The following UBR3 variants were observed in gnomAD, a reference collection of about 807,000 sequenced individuals.
UBR3 encodes the protein E3 ubiquitin-protein ligase UBR3.
A neutral mutation model predicts 243.2 loss-of-function variants in UBR3; 85 were observed. That is an observed-to-expected ratio of 0.35 (90% CI 0.29 to 0.42). The LOEUF (loss-of-function observed/expected upper bound fraction) is 0.42, where lower values mean the gene tolerates loss of function less well. Among genes scored for constraint, UBR3 ranks in the 10% least tolerant of loss-of-function variants. The pLI is 1.00. For synonymous variants in UBR3, 748 were observed against 799.8 expected (o/e 0.94, Z 1.09); for missense variants, 1,686 against 2,300.8 (o/e 0.73, Z 5.47).
chr2:170,015,080 A>G, intron 29 of UBR3: 1 of 458,578 alleles, frequency 2.2e-6, no homozygotes, highest in Non-Finnish European at 3.9e-6. Context: ...ATATGAACAT[A>G]TAAGTAAGGA....
At chr2:169,866,364 T>G (rs1241904997) in intron 1 of UBR3, among the ~76,000 whole-genome samples, 1 of 151,144 alleles carries the variant, frequency 6.6e-6, no homozygotes, top group Non-Finnish European at 1.5e-5. Flanking sequence ...GTTTTTTTGT[T>G]TTTTTGTTTT....
chr2:169,993,154 C>T (rs976365338), intron 25 of UBR3, among the ~76,000 whole-genome samples: 2 of 152,132 alleles, frequency 1.3e-5, no homozygotes, highest in African/African-American at 4.8e-5. Flanking sequence ...CAGATTCTCT[C>T]AGTTGTCCCT....
chr2:169,926,619 T>C, intron 14 of UBR3, 73 bp from the exon 15 acceptor site: 2 of 1,412,076 alleles, frequency 1.4e-6, no homozygotes, highest in East Asian at 2.5e-5. Context: ...CAAAAAAAAG[T>C]ATAGAAAAAC....
intron 24 of UBR3, among the ~76,000 whole-genome samples, chr2:169,962,050 G>A (rs1211281683): frequency 6.6e-6 from 1 of 151,830 alleles, no homozygotes; most frequent in Non-Finnish European, 1.5e-5. Context: ...TGTGGCTTCT[G>A]TCTTTGTTAC....
In UBR3 at chr2:169,924,192, A is replaced by C; in HGVS notation, c.2022+19A>C. 1.3e-6 allele frequency: 2 copies of C among 1,518,906 alleles called. No individual in the cohort carries two copies. Among genetic ancestry groups the C allele is most frequent in the Non-Finnish European group, 1.8e-6 (2 of 1,132,964 alleles). The allele number at this position is 1,518,906 out of a possible 1,614,324, so 94.1% of individuals were successfully genotyped here. ...AATTCAAGTATGTATTCAGGCATTT[A>C]AAAAGTTTTGAAGTGGATTCCTTGT... On this transcript the variant is annotated intron_variant, in intron 13 of 38. Coordinates refer to ENST00000272793, the MANE Select transcript of UBR3 (RefSeq NM_172070.4).
At chr2:169,859,058 A>G (rs2082989741) in intron 1 of UBR3, among the ~76,000 whole-genome samples, 1 of 137,814 alleles carries the variant, frequency 7.3e-6, no homozygotes, top group Non-Finnish European at 1.6e-5. Context: ...TCAGCTATTT[A>G]GTTGTCATGT....
intron 25 of UBR3, among the ~76,000 whole-genome samples, chr2:169,993,885 A>G (rs2089386007): frequency 6.6e-6 from 1 of 152,128 alleles, no homozygotes. Flanking sequence ...GTGTTTGAAC[A>G]CTTCCTTGCT....
intron 24 of UBR3, among the ~76,000 whole-genome samples, chr2:169,980,582 A>G (rs2088676220): frequency 1.3e-5 from 2 of 150,938 alleles, no homozygotes; most frequent in African/African-American, 4.9e-5. Context: ...GATATTTCCC[A>G]GGTACAAGCA....
At position 169,928,587 on chromosome 2, in the gene UBR3, T is replaced by A. The variant is rs1341746711; in HGVS notation, c.2425-140T>A. The stretch of plus-strand genomic sequence containing the variant: ...GTTATTATTGATCTGTTGTATTATA[T>A]AGCCCTCTTGTGGCCAGCTTTGTAT... On this transcript the variant is annotated intron_variant, in intron 17 of 38. Transcript: ENST00000272793. 3.1e-5 allele frequency: 16 copies of A among 517,802 alleles called. No homozygotes were observed. The Admixed American group carries it at 3.1e-4, about 10-fold the overall frequency. The allele number at this position is 517,802 out of a possible 1,614,324, so 32.1% of individuals were successfully genotyped here.
At chr2:170,017,532 CA>C (rs2090274658) in intron 30 of UBR3, among the ~76,000 whole-genome samples, 1 of 43,480 alleles carries the variant, frequency 2.3e-5, no homozygotes, top group African/African-American at 7.8e-5. Context: ...GACACACACA[CA>C]CACACACACA....
intron 32 of UBR3, among the ~76,000 whole-genome samples, chr2:170,051,869 A>G (rs908705414): frequency 6.6e-6 from 1 of 152,096 alleles, no homozygotes; most frequent in African/African-American, 2.4e-5. Flanking sequence ...TAGTTCTTCT[A>G]CTGTCTCATT....
rs1039894177 is a variant in UBR3 at position 170,006,856 on chromosome 2, G to A, written c.4030-134G>A. 2.0e-5 allele frequency: 15 copies of A among 743,076 alleles called. No homozygotes were observed. The Admixed American group carries it at 2.6e-4, about 13-fold the overall frequency. The allele number at this position is 743,076 out of a possible 1,614,324, so 46.0% of individuals were successfully genotyped here. On this transcript the variant is annotated intron_variant, in intron 27 of 38. Coordinates refer to ENST00000272793, the MANE Select transcript of UBR3 (RefSeq NM_172070.4). ...CTTTAACAGTTAAATGAAGGATTTT[G>A]TTTATTTCTTTATGACATATATTAG...
intron 24 of UBR3, among the ~76,000 whole-genome samples, chr2:169,976,650 T>C (rs2088461202): frequency 6.6e-6 from 1 of 152,224 alleles, no homozygotes. Flanking sequence ...GATTCCCTTA[T>C]ATGTAACTTG....
chr2:170,056,577 A>G (rs1426645410), intron 33 of UBR3, among the ~76,000 whole-genome samples: 10 of 152,214 alleles, frequency 6.6e-5, no homozygotes, highest in African/African-American at 2.4e-4. Flanking sequence ...TGGTAGGAAA[A>G]ATAATAGGTA....
At chr2:170,053,054 G>A (rs1246227002) in intron 32 of UBR3, among the ~76,000 whole-genome samples, 1 of 152,184 alleles carries the variant, frequency 6.6e-6, no homozygotes, top group African/African-American at 2.4e-5. Flanking sequence ...GCAGGGGGCT[G>A]AGAGGTGATA....
chr2:169,962,065 T>G (rs984157056), intron 24 of UBR3, among the ~76,000 whole-genome samples: 2 of 151,954 alleles, frequency 1.3e-5, no homozygotes, highest in African/African-American at 4.8e-5. Flanking sequence ...TGTTACTTTT[T>G]CTCTCTCTTG....
In UBR3 at chr2:169,923,944, G is replaced by C. The variant is rs1195135333; in HGVS notation, c.1882G>C (p.Val628Leu). 9 of 1,547,174 alleles carry C rather than the reference G, an allele frequency of 5.8e-6. No individual in the cohort carries two copies. The change falls in exon 12 of 39, where the codon GTC becomes CTC. Residue 628 changes from valine (V) to leucine (L), a missense_variant. Physicochemically the swap from Val to Leu is conservative, Grantham distance 32. Transcript: ENST00000272793. ...NFVDEPAPNQVTFHLPLHRYY... is the reference protein window; with the variant it reads ...NFVDEPAPNQLTFHLPLHRYY... ...TTTATTCCAGCCAGCACCTAACCAA[G>C]TCACTTTTCATCTGCCACTACATCG...
At chr2:169,984,617 A>G (rs1325606745) in intron 24 of UBR3, among the ~76,000 whole-genome samples, 1 of 152,186 alleles carries the variant, frequency 6.6e-6, no homozygotes, top group Non-Finnish European at 1.5e-5. Flanking sequence ...TTTAATTTGG[A>G]CACAGATCCT....
chr2:169,852,559 G>C (rs962860129), intron 1 of UBR3, among the ~76,000 whole-genome samples: 37 of 152,080 alleles, frequency 2.4e-4, no homozygotes, highest in African/African-American at 8.7e-4. Flanking sequence ...AAGGCAAATT[G>C]AGGCTGGGCA....
Sources: allele counts gnomAD v4.1 joint callset (sites outside exome capture counted in the v4.1 genomes callset), GRCh38; gene constraint gnomAD v4.1.1; transcripts MANE v1.5; gene names NCBI Gene and HGNC (gene_info 2026-07-23, HGNC 2026-07-21).